The following PCCA variants were observed in gnomAD, a reference collection of about 807,000 sequenced individuals.
PCCA encodes the protein propionyl-CoA carboxylase alpha chain, mitochondrial.
Under a neutral mutation model 101.3 loss-of-function variants are expected in PCCA, and 74 were observed. The observed-to-expected ratio is 0.73, with a 90% CI of 0.61 to 0.89. PCCA has a LOEUF of 0.89. Ranked by LOEUF, PCCA falls within the 40% of genes least tolerant of loss-of-function variation. The pLI, the probability that PCCA is intolerant of heterozygous loss-of-function variation, is 0.00. For missense variants in PCCA, 891 were observed against 907.0 expected (o/e 0.98, Z 0.23); for synonymous variants, 294 against 313.6 (o/e 0.94, Z 0.66).
chr13:100,497,011 T>A (rs1030439124), intron 21 of PCCA, among the ~76,000 whole-genome samples: 1 of 152,172 alleles, frequency 6.6e-6, no homozygotes, highest in Non-Finnish European at 1.5e-5. Context: ...GTGCACTTGT[T>A]CTCACGGGAG....
intron 16 of PCCA, among the ~76,000 whole-genome samples, chr13:100,321,000 C>T (rs1165274892): frequency 1.3e-5 from 2 of 152,012 alleles, no homozygotes; most frequent in Non-Finnish European, 2.9e-5. Flanking sequence ...CCTCCCTCAG[C>T]CTCCCAAAGG....
At chr13:100,157,180 A>T (rs2053972571) in intron 5 of PCCA, 107 bp from the exon 6 acceptor site, 1 of 714,646 alleles carries the variant, frequency 1.4e-6, no homozygotes, top group East Asian at 2.6e-5. Context: ...TACTTATTCA[A>T]GGGCTCTTGA....
rs74113846 is a variant in PCCA, at chr13:100,221,327, G to T, written c.600+11864G>T. Among the ~76,000 whole-genome samples the T allele has an allele frequency of 9.5e-3, 1,453 of 152,302 alleles. 27 individuals are homozygous for T. Among genetic ancestry groups the T allele is most frequent in the African/African-American group, 0.033 (1,388 of 41,560 alleles). ...CATTGTGGTTGGGGAGACCCCTGAG[G>T]GGGTCGCTCAGTGGGCCTCAGAGAA... On this transcript the variant is annotated intron_variant, in intron 7 of 23. Coordinates refer to ENST00000376285, the MANE Select transcript of PCCA (RefSeq NM_000282.4).
chr13:100,331,739 T>C (rs1484508913), intron 17 of PCCA, among the ~76,000 whole-genome samples: 1 of 152,140 alleles, frequency 6.6e-6, no homozygotes, highest in African/African-American at 2.4e-5. Flanking sequence ...CAAAATAAAA[T>C]ACAACTAGGA....
At chr13:100,524,413 T>TGTGTGTGTGTGTGTGTGTG (rs2087570771) in intron 22 of PCCA, among the ~76,000 whole-genome samples, 1 of 42,842 alleles carries the variant, frequency 2.3e-5, no homozygotes, top group Non-Finnish European at 5.7e-5. Context: ...GTGTGTGTGT[T>TGTGTGTGTGTGTGTGTGTG]GGGGTAGAAC....
chr13:100,226,250 A>G (rs756253494), intron 7 of PCCA, among the ~76,000 whole-genome samples: 3 of 152,216 alleles, frequency 2.0e-5, no homozygotes, highest in Non-Finnish European at 2.9e-5. Flanking sequence ...GACAGCTTTT[A>G]GGGTACAGAT....
At chr13:100,153,785 G>A (rs886065759) in intron 4 of PCCA, among the ~76,000 whole-genome samples, 2 of 152,110 alleles carry the variant, frequency 1.3e-5, no homozygotes, top group Non-Finnish European at 2.9e-5. Flanking sequence ...AATAATTACC[G>A]AATGTATATA....
rs753195550 is a variant in PCCA, at chr13:100,102,949, C to T, written c.172C>T (p.Pro58Ser). Residue 58 changes from proline to serine, a missense_variant, in exon 2 of 24, where the codon CCT (proline) becomes TCT (serine). Physicochemically the swap from Pro to Ser is moderately conservative, Grantham distance 74. Coordinates refer to ENST00000376285, the MANE Select transcript of PCCA (RefSeq NM_000282.4). ...TAATCTTGGTTCAGTGGGATATGAT[C>T]CTAATGAAAAAGTAAGTATTTAAAA... Reference protein sequence around the residue: ...SRNLGSVGYDPNEKTFDKILV... With the variant: ...SRNLGSVGYDSNEKTFDKILV... The T allele has an allele frequency of 6.9e-6, 11 of 1,593,706 alleles. No individual in the cohort carries two copies. The African/African-American group carries it at 1.3e-4, about 19-fold the overall frequency.
chr13:100,477,776 G>A (rs1013289517), intron 21 of PCCA, among the ~76,000 whole-genome samples: 11 of 152,146 alleles, frequency 7.2e-5, no homozygotes, highest in Admixed American at 2.0e-4. Context: ...GGCAGTGGCA[G>A]AGTTACCCTT....
At chr13:100,334,361 C>G (rs1385499112) in intron 17 of PCCA, among the ~76,000 whole-genome samples, 1 of 152,138 alleles carries the variant, frequency 6.6e-6, no homozygotes, top group African/African-American at 2.4e-5. Flanking sequence ...TCCCCCACAC[C>G]CCAGTTGTTT....
chr13:100,172,374 A>G (rs2055775477), intron 6 of PCCA, among the ~76,000 whole-genome samples: 1 of 152,132 alleles, frequency 6.6e-6, no homozygotes, highest in Admixed American at 6.5e-5. Flanking sequence ...GTTATTTCCT[A>G]TTAAATTCCT....
chr13:100,131,553 A>G (rs1295031709), intron 4 of PCCA, among the ~76,000 whole-genome samples: 1 of 152,086 alleles, frequency 6.6e-6, no homozygotes, highest in Non-Finnish European at 1.5e-5. Context: ...GCACATTCAC[A>G]TTGTTTTGCA....
intron 6 of PCCA, among the ~76,000 whole-genome samples, chr13:100,201,124 C>G (rs1386848065): frequency 6.6e-6 from 1 of 151,994 alleles, no homozygotes; most frequent in African/African-American, 2.4e-5. Context: ...CATAATCTTC[C>G]TGTAATATTA....
At chr13:100,222,535 G>T (rs2059883728) in intron 7 of PCCA, among the ~76,000 whole-genome samples, 1 of 152,134 alleles carries the variant, frequency 6.6e-6, no homozygotes, top group South Asian at 2.1e-4. Flanking sequence ...TACTAGTTTA[G>T]ATATATTGAG....
intron 21 of PCCA, among the ~76,000 whole-genome samples, chr13:100,497,061 C>G (rs2085328053): frequency 6.6e-6 from 1 of 152,188 alleles, no homozygotes; most frequent in Non-Finnish European, 1.5e-5. Context: ...CTCAAAAGCT[C>G]TAGGGTCTCT....
chr13:100,334,458 C>T (rs1297557066), intron 17 of PCCA, among the ~76,000 whole-genome samples: 5 of 152,170 alleles, frequency 3.3e-5, no homozygotes, highest in African/African-American at 9.7e-5. Flanking sequence ...AAGAATTACT[C>T]ATCTAGGGAG....
chr13:100,400,845 C>T (rs746203333), intron 19 of PCCA, among the ~76,000 whole-genome samples: 1 of 151,742 alleles, frequency 6.6e-6, no homozygotes, highest in South Asian at 2.1e-4. Flanking sequence ...AGGATGGTTT[C>T]GAACTCCTGA....
At chr13:100,286,715 A>G (rs1335137771) in intron 12 of PCCA, among the ~76,000 whole-genome samples, 1 of 150,220 alleles carries the variant, frequency 6.7e-6, no homozygotes, top group African/African-American at 2.4e-5. Context: ...GCTTCTCTGG[A>G]TAAGGTGGAG....
At chr13:100,141,275 C>T (rs1343595458) in intron 4 of PCCA, among the ~76,000 whole-genome samples, 1 of 152,174 alleles carries the variant, frequency 6.6e-6, no homozygotes, top group African/African-American at 2.4e-5. Flanking sequence ...CACATTTCCA[C>T]CATTTCGAAT....
Sources: allele counts gnomAD v4.1 joint callset (sites outside exome capture counted in the v4.1 genomes callset), GRCh38; gene constraint gnomAD v4.1.1; transcripts MANE v1.5; gene names NCBI Gene and HGNC (gene_info 2026-07-23, HGNC 2026-07-21).